Variants in PCDH11X observed in about 807,000 individuals in gnomAD.
The protein encoded by PCDH11X is protocadherin 11 X-linked.
PCDH11X carries 18 observed loss-of-function variants against 53.3 expected under a neutral mutation model. That is an observed-to-expected ratio of 0.34 (90% CI 0.23 to 0.50). The LOEUF (loss-of-function observed/expected upper bound fraction) is 0.50. Among genes scored for constraint, PCDH11X ranks in the 20% least tolerant of loss-of-function variants. PCDH11X has a pLI of 0.98. For missense variants in PCDH11X, 570 were observed against 1,032.4 expected (o/e 0.55, Z 6.14); for synonymous variants, 279 against 393.3 (o/e 0.71, Z 3.44).
intron 7 of PCDH11X, among the ~76,000 whole-genome samples, chrX:92,237,883 G>A (rs1427989475): frequency 1.8e-5 from 2 of 111,637 alleles, no homozygotes; most frequent in African/African-American, 6.5e-5. Context: ...ATAACTCAAT[G>A]GACAATTGTT....
chrX:92,101,243 T>C (rs1204485401), intron 6 of PCDH11X, among the ~76,000 whole-genome samples: 6 of 110,102 alleles, frequency 5.4e-5, no homozygotes, highest in Non-Finnish European at 1.1e-4. Context: ...CAGAAAATAG[T>C]AGGGATGACA....
At chrX:91,996,817 CTA>C (rs2062429073) in intron 6 of PCDH11X, among the ~76,000 whole-genome samples, 1 of 33,730 alleles carries the variant, frequency 3.0e-5, no homozygotes, top group African/African-American at 1.2e-4. Context: ...AACATACAAA[CTA>C]TGTGTTAATC....
At chrX:92,047,597 T>C (rs1355286656) in intron 6 of PCDH11X, among the ~76,000 whole-genome samples, 1 of 109,967 alleles carries the variant, frequency 9.1e-6, no homozygotes, top group Non-Finnish European at 1.9e-5. Flanking sequence ...AGAAAATATT[T>C]ATGGCTTAAA....
intron 4 of PCDH11X, among the ~76,000 whole-genome samples, chrX:91,811,851 CAA>C (rs1936303073): frequency 2.0e-5 from 2 of 98,417 alleles, no homozygotes; most frequent in African/African-American, 3.7e-5. Context: ...AACTAACAAA[CAA>C]GAGAGTATTC....
At chrX:92,509,505 TTC>T (rs1163075384) in intron 10 of PCDH11X, among the ~76,000 whole-genome samples, 1 of 111,842 alleles carries the variant, frequency 8.9e-6, no homozygotes, top group Non-Finnish European at 1.9e-5. Context: ...GCAAAATGAT[TTC>T]TGTTTCAGAT....
intron 7 of PCDH11X, among the ~76,000 whole-genome samples, chrX:92,206,149 C>T (rs2066472079): frequency 1.8e-5 from 2 of 111,772 alleles, no homozygotes; most frequent in African/African-American, 3.2e-5. Flanking sequence ...AGACCATAGA[C>T]TGATGGGTTA....
rs147910162 is a variant in PCDH11X, at chrX:92,133,104, A to G, written c.3034-68271A>G. 4.7e-3 allele frequency among the ~76,000 whole-genome samples: 526 copies of G among 111,310 alleles called. 3 individuals carry two copies. Among genetic ancestry groups the G allele is most frequent in the African/African-American group, 0.016 (489 of 30,715 alleles). On this transcript the variant is annotated intron_variant, in intron 6 of 10. Coordinates refer to ENST00000682573, the MANE Select transcript of PCDH11X (RefSeq NM_032968.5). ...AATGACATTGCACATTCGTTTATAT[A>G]TGAAGAGAATACAATCACATCAAGT...
chrX:91,926,515 T>C (rs1941954370), intron 6 of PCDH11X, among the ~76,000 whole-genome samples: 1 of 111,757 alleles, frequency 8.9e-6, no homozygotes, highest in African/African-American at 3.2e-5. Flanking sequence ...CTGGCTTCTA[T>C]GACTTTATTT....
intron 10 of PCDH11X, among the ~76,000 whole-genome samples, chrX:92,491,879 A>C: frequency 9.0e-6 from 1 of 111,256 alleles, no homozygotes; most frequent in South Asian, 3.8e-4. Flanking sequence ...TGTCCTCTAG[A>C]CTCATCTCTG....
intron 8 of PCDH11X, among the ~76,000 whole-genome samples, chrX:92,340,164 A>G (rs772898733): frequency 2.7e-5 from 3 of 111,888 alleles, no homozygotes; most frequent in South Asian, 3.7e-4. Context: ...TCCAAGGCAC[A>G]GTGGTGGGAA....
intron 6 of PCDH11X, among the ~76,000 whole-genome samples, chrX:91,940,157 C>T: frequency 9.0e-6 from 1 of 110,575 alleles, no homozygotes; most frequent in Middle Eastern, 4.6e-3. Flanking sequence ...AAGTATGCAG[C>T]ACTTCCCCCA....
chrX:92,539,677 G>A (rs967085123), intron 10 of PCDH11X, among the ~76,000 whole-genome samples: 6 of 111,368 alleles, frequency 5.4e-5, no homozygotes, highest in Non-Finnish European at 5.6e-5. Flanking sequence ...CAGTGTCTGG[G>A]CATTAAAGAT....
chrX:92,279,320 A>G (rs2068192996), intron 8 of PCDH11X, among the ~76,000 whole-genome samples: 1 of 112,147 alleles, frequency 8.9e-6, no homozygotes, highest in Admixed American at 9.5e-5. Context: ...CTTGAAGTGC[A>G]TCATGCTTCA....
chrX:92,029,911 G>A (rs1426457662), intron 6 of PCDH11X, among the ~76,000 whole-genome samples: 1 of 111,909 alleles, frequency 8.9e-6, no homozygotes, highest in African/African-American at 3.2e-5. Flanking sequence ...AGAAATTCAG[G>A]CCAATAAGAC....
At chrX:91,871,744 A>G (rs975981055) in intron 5 of PCDH11X, among the ~76,000 whole-genome samples, 1 of 111,493 alleles carries the variant, frequency 9.0e-6, no homozygotes, top group African/African-American at 3.2e-5. Context: ...TTCACATCCA[A>G]CGTCAACTTT....
intron 6 of PCDH11X, among the ~76,000 whole-genome samples, chrX:91,890,691 A>G (rs1172252940): frequency 1.8e-5 from 2 of 108,637 alleles, no homozygotes; most frequent in East Asian, 2.9e-4. Context: ...ACATTACTTA[A>G]TTTTAATAAT....
At chrX:92,132,038 G>A (rs763036570) in intron 6 of PCDH11X, among the ~76,000 whole-genome samples, 27 of 103,213 alleles carry the variant, frequency 2.6e-4, no homozygotes, top group African/African-American at 8.5e-4. Flanking sequence ...TTGGGAGGCC[G>A]AGGTGGGAGG....
chrX:92,071,262 G>A (rs1267819251), intron 6 of PCDH11X, among the ~76,000 whole-genome samples: 2 of 110,772 alleles, frequency 1.8e-5, no homozygotes, highest in Non-Finnish European at 3.8e-5. Context: ...GCTTGATCAC[G>A]TGTGCTATTA....
intron 6 of PCDH11X, among the ~76,000 whole-genome samples, chrX:91,974,729 A>T (rs2062022582): frequency 9.2e-6 from 1 of 109,250 alleles, no homozygotes; most frequent in Non-Finnish European, 1.9e-5. Flanking sequence ...AGAGGCGTGA[A>T]ATAATTTTAC....
Sources: gnomAD v4.1 joint callset for allele counts (sites outside exome capture counted in the v4.1 genomes callset) on GRCh38, gnomAD v4.1.1 for gene constraint, MANE v1.5 for transcripts, NCBI Gene and HGNC (gene_info 2026-07-23, HGNC 2026-07-21) for gene names.